SPTLC3: variants seen among roughly 807,000 people sequenced by gnomAD.
The protein encoded by SPTLC3 is serine palmitoyltransferase long chain base subunit 3.
In SPTLC3, 36 loss-of-function variants were observed where a neutral mutation model predicts 59.3. The ratio of observed to expected loss-of-function variants is 0.61; its 90% CI spans 0.47 to 0.80. SPTLC3 has a LOEUF of 0.80. SPTLC3 is among the 30% of genes least tolerant of loss of function. The pLI is 0.00. For missense variants in SPTLC3, 625 were observed against 685.1 expected, an observed-to-expected ratio of 0.91 and a Z score of 0.98; for synonymous variants, 257 against 240.8, an observed-to-expected ratio of 1.07 and a Z score of -0.62.
chr20:13,009,428 T>G (rs746717246), intron 1 of SPTLC3, 44 bp downstream of exon 1: 2 of 1,501,326 alleles, frequency 1.3e-6, no homozygotes, highest in Non-Finnish European at 9.2e-7. Flanking sequence ...TACCTGAACG[T>G]TTCAATATTT....
chr20:13,160,090 G>C lies in SPTLC3; in HGVS notation c.1503G>C (p.Arg501=), dbSNP rs1382013212. 1 of 1,613,924 alleles carries C rather than the reference G, an allele frequency of 6.2e-7. No individual in the cohort carries two copies. The change falls in exon 11 of 12, where the codon CGG becomes CGC. Residue 501 remains arginine (R), a synonymous_variant. Coordinates refer to ENST00000399002, the MANE Select transcript of SPTLC3 (RefSeq NM_018327.4). ...CTCCCCTCGCAGAAGCTCGGGCTCG[G>C]TTTTGTGTTTCAGCGGCACATACCC... ...PATPLAEARA[R]FCVSAAHTRE... is the part of the protein sequence containing the mutation.
chr20:13,132,483 T>G (rs897754867), intron 9 of SPTLC3, among the ~76,000 whole-genome samples: 1 of 152,134 alleles, frequency 6.6e-6, no homozygotes, highest in Admixed American at 6.5e-5. Context: ...GCCGCTTTAA[T>G]CTTTACAGCA....
intron 4 of SPTLC3, among the ~76,000 whole-genome samples, chr20:13,084,075 C>T (rs1417451795): frequency 6.6e-6 from 1 of 152,222 alleles, no homozygotes; most frequent in Non-Finnish European, 1.5e-5. Context: ...ACCCTCTCTG[C>T]TTCGCATACC....
At chr20:13,070,934 C>T (rs998284476) in intron 2 of SPTLC3, among the ~76,000 whole-genome samples, 3 of 152,200 alleles carry the variant, frequency 2.0e-5, no homozygotes, top group Non-Finnish European at 2.9e-5. Context: ...CCCCAAGCAT[C>T]CCTGCCCATA....
chr20:13,032,851 T>C (rs1281127186), intron 1 of SPTLC3, among the ~76,000 whole-genome samples: 1 of 152,294 alleles, frequency 6.6e-6, no homozygotes, highest in East Asian at 1.9e-4. Context: ...AAACTCAAGA[T>C]GATGGGAAAT....
At chr20:13,122,462 C>T (rs531735824) in intron 8 of SPTLC3, among the ~76,000 whole-genome samples, 3 of 152,338 alleles carry the variant, frequency 2.0e-5, no homozygotes, top group South Asian at 2.1e-4. Context: ...CAAGCTTACT[C>T]TTCTGGGGAG....
intron 8 of SPTLC3, among the ~76,000 whole-genome samples, chr20:13,118,447 T>TG (rs1419280198): frequency 1.5e-4 from 5 of 33,912 alleles, no homozygotes; most frequent in Non-Finnish European, 4.2e-4. Flanking sequence ...AAGAGGTTTG[T>TG]GGAAAAAAAA....
At chr20:13,087,601 G>A (rs1028158589) in intron 4 of SPTLC3, among the ~76,000 whole-genome samples, 3 of 152,102 alleles carry the variant, frequency 2.0e-5, no homozygotes, top group Non-Finnish European at 2.9e-5. Context: ...AACTCTACAA[G>A]TACCTACTAT....
In SPTLC3 at chr20:13,052,630, A is replaced by G. The variant is rs544617361; in HGVS notation, c.303+3500A>G. 2.4e-3 allele frequency among the ~76,000 whole-genome samples: 363 copies of G among 152,252 alleles called. 3 individuals carry two copies. Among genetic ancestry groups the G allele is most frequent in the South Asian group, 6.2e-3 (30 of 4,822 alleles). ...CCACCCCCACGGAGCCCAGCAAGCT[A>G]AGATCCACTGGCTTGAAATTCTTGC... On this transcript the variant is annotated intron_variant, in intron 2 of 11. Coordinates refer to ENST00000399002, the MANE Select transcript of SPTLC3 (RefSeq NM_018327.4).
chr20:13,125,125 C>T (rs1403862048), intron 8 of SPTLC3, among the ~76,000 whole-genome samples: 2 of 152,198 alleles, frequency 1.3e-5, no homozygotes, highest in African/African-American at 4.8e-5. Flanking sequence ...TGGAGGGTCT[C>T]TGCCACCCAA....
At chr20:13,133,456 G>A (rs935855071) in intron 9 of SPTLC3, among the ~76,000 whole-genome samples, 1 of 152,024 alleles carries the variant, frequency 6.6e-6, no homozygotes, top group African/African-American at 2.4e-5. Context: ...ATAACAGGTC[G>A]GGCATGGTGG....
chr20:13,050,164 T>C (rs1008337485), intron 2 of SPTLC3: 5 of 152,002 alleles, frequency 3.3e-5, no homozygotes, highest in Admixed American at 6.6e-5. Flanking sequence ...CAAAGCCCAA[T>C]GCAAGAAAAT....
At chr20:13,032,588 G>A (rs1168945334) in intron 1 of SPTLC3, among the ~76,000 whole-genome samples, 1 of 152,128 alleles carries the variant, frequency 6.6e-6, no homozygotes, top group Non-Finnish European at 1.5e-5. Flanking sequence ...GCCCACACTG[G>A]TCCTCCTATC....
At chr20:13,136,537 T>C (rs2038247850) in intron 9 of SPTLC3, among the ~76,000 whole-genome samples, 2 of 151,362 alleles carry the variant, frequency 1.3e-5, no homozygotes, top group South Asian at 4.2e-4. Context: ...GAGGCAGAAG[T>C]TGCAGTGAGA....
intron 1 of SPTLC3, among the ~76,000 whole-genome samples, chr20:13,032,320 A>G (rs1986519121): frequency 2.0e-5 from 3 of 152,190 alleles, no homozygotes; most frequent in African/African-American, 4.8e-5. Flanking sequence ...CCTAGCTGTC[A>G]TTCCAAGTGG....
At position 13,118,455 on chromosome 20, in the gene SPTLC3, AAAAAC is replaced by A. The variant is rs1268389025; in HGVS notation, c.1152+735_1152+739del. 5.3e-5 allele frequency among the ~76,000 whole-genome samples: 8 copies of A among 151,256 alleles called. 1 individual carries two copies. The highest frequency in any genetic ancestry group is 1.2e-4 in the African/African-American group (5 of 41,264). The stretch of plus-strand genomic sequence containing the variant: ...TATCACCAAGAGGTTTGTGGAAAAA[AAAAAC>A]AAAAAAAAACAATAAATATTTGAGA... On this transcript the variant is annotated intron_variant, in intron 8 of 11. Transcript: ENST00000399002.
intron 9 of SPTLC3, among the ~76,000 whole-genome samples, chr20:13,150,735 C>T (rs1437573333): frequency 3.3e-5 from 5 of 152,112 alleles, no homozygotes; most frequent in Admixed American, 1.3e-4. Flanking sequence ...TTCATCTTTC[C>T]AGCCTCATCT....
At chr20:13,047,014 A>G (rs989002653) in intron 1 of SPTLC3, among the ~76,000 whole-genome samples, 1 of 152,224 alleles carries the variant, frequency 6.6e-6, no homozygotes, top group Non-Finnish European at 1.5e-5. Flanking sequence ...TACCTATAGA[A>G]GTAACCTGAA....
rs2038000650 is a variant in SPTLC3 at position 13,126,670 on chromosome 20, T to A, written c.1232T>A (p.Ile411Asn). The change falls in exon 9 of 12, where the codon ATC (isoleucine) becomes AAC (asparagine). Residue 411 changes from isoleucine (I) to asparagine (N), a missense_variant. Ile to Asn is a moderately radical substitution (Grantham distance 149, BLOSUM62 -3). Coordinates refer to ENST00000399002, the MANE Select transcript of SPTLC3 (RefSeq NM_018327.4). Reference protein sequence around the residue: ...SSMSPPIAEQIIRSLKLIMGL... With the variant: ...SSMSPPIAEQNIRSLKLIMGL... ...ATGAGCCCACCGATAGCAGAGCAAA[T>A]CATCAGATCACTAAAACTTATCATG... is the stretch of plus-strand genomic sequence containing the variant. The A allele has an allele frequency of 6.2e-7, 1 of 1,614,064 alleles. No individual in the cohort carries two copies. Among genetic ancestry groups the A allele is most frequent in the African/African-American group, 1.3e-5 (1 of 75,054 alleles).
Sources: gnomAD v4.1 joint callset for allele counts (sites outside exome capture counted in the v4.1 genomes callset) on GRCh38, gnomAD v4.1.1 for gene constraint, MANE v1.5 for transcripts, NCBI Gene and HGNC (gene_info 2026-07-23, HGNC 2026-07-21) for gene names.